Variants in FBXL7 observed in about 807,000 individuals in gnomAD.
FBXL7 encodes F-box/LRR-repeat protein 7.
FBXL7 carries 12 observed loss-of-function variants against 38.3 expected under a neutral mutation model. The ratio of observed to expected loss-of-function variants is 0.31; its 90% CI spans 0.20 to 0.51. FBXL7 has a LOEUF of 0.51. FBXL7 is among the 20% of genes least tolerant of loss of function. FBXL7 has a pLI of 0.98. For synonymous variants in FBXL7, 297 were observed against 300.9 expected (o/e 0.99, Z 0.13); for missense variants, 567 against 676.4 (o/e 0.84, Z 1.79).
intron 2 of FBXL7, among the ~76,000 whole-genome samples, chr5:15,878,163 T>G (rs1468723427): frequency 1.3e-5 from 2 of 152,192 alleles, no homozygotes; most frequent in African/African-American, 4.8e-5. Context: ...CACGCCACCC[T>G]CAAGGTCAGC....
intron 1 of FBXL7, among the ~76,000 whole-genome samples, chr5:15,545,138 A>T (rs1026355164): frequency 1.3e-5 from 2 of 152,190 alleles, no homozygotes; most frequent in Admixed American, 1.3e-4. Flanking sequence ...TTCTGACTCC[A>T]TTCTCAATGC....
intron 2 of FBXL7, among the ~76,000 whole-genome samples, chr5:15,705,321 G>A (rs557893430): frequency 6.6e-6 from 1 of 152,158 alleles, no homozygotes; most frequent in Non-Finnish European, 1.5e-5. Context: ...ACGTAAGCAT[G>A]CTAAATAGAT....
At chr5:15,659,616 C>G (rs1468181908) in intron 2 of FBXL7, among the ~76,000 whole-genome samples, 7 of 152,168 alleles carry the variant, frequency 4.6e-5, no homozygotes, top group Admixed American at 3.3e-4. Flanking sequence ...ATATTTATCA[C>G]AGCCCTCTCT....
At chr5:15,557,934 A>G (rs920730233) in intron 1 of FBXL7, among the ~76,000 whole-genome samples, 13 of 152,228 alleles carry the variant, frequency 8.5e-5, no homozygotes, top group African/African-American at 3.1e-4. Context: ...ACTTATAGGA[A>G]TTACCTAAAA....
At chr5:15,917,606 T>C (rs1741618496) in intron 2 of FBXL7, among the ~76,000 whole-genome samples, 1 of 143,838 alleles carries the variant, frequency 7.0e-6, no homozygotes, top group Non-Finnish European at 1.5e-5. Flanking sequence ...AGACCCTGTC[T>C]CAAAAATAAA....
At chr5:15,754,552 A>G (rs1481293339) in intron 2 of FBXL7, among the ~76,000 whole-genome samples, 1 of 152,162 alleles carries the variant, frequency 6.6e-6, no homozygotes, top group Non-Finnish European at 1.5e-5. Flanking sequence ...GAAGATTTTG[A>G]TTGATTTCAC....
At chr5:15,859,219 C>T (rs991761376) in intron 2 of FBXL7, among the ~76,000 whole-genome samples, 3 of 152,134 alleles carry the variant, frequency 2.0e-5, no homozygotes, top group African/African-American at 7.2e-5. Flanking sequence ...TGGGCCCAGG[C>T]TGCAGTAGAA....
intron 1 of FBXL7, among the ~76,000 whole-genome samples, chr5:15,532,465 T>C (rs1428482270): frequency 6.6e-6 from 1 of 152,218 alleles, no homozygotes; most frequent in Admixed American, 6.5e-5. Flanking sequence ...TCCATGAGAT[T>C]GTATTCTGAT....
intron 2 of FBXL7, among the ~76,000 whole-genome samples, chr5:15,775,184 C>G (rs1256285761): frequency 6.6e-6 from 1 of 152,000 alleles, no homozygotes; most frequent in Non-Finnish European, 1.5e-5. Flanking sequence ...AAGCATTGAG[C>G]AAGAAAGATA....
chr5:15,565,039 A>T (rs1027580066), intron 1 of FBXL7, among the ~76,000 whole-genome samples: 1 of 152,138 alleles, frequency 6.6e-6, no homozygotes, highest in African/African-American at 2.4e-5. Flanking sequence ...TGTTTTCAAT[A>T]TGCTGCTATT....
At chr5:15,804,838 C>T (rs563260433) in intron 2 of FBXL7, among the ~76,000 whole-genome samples, 1 of 152,306 alleles carries the variant, frequency 6.6e-6, no homozygotes, top group African/African-American at 2.4e-5. Flanking sequence ...CAAACCATCC[C>T]CCTGCACCCT....
At chr5:15,684,722 A>G (rs555461773) in intron 2 of FBXL7, among the ~76,000 whole-genome samples, 2 of 152,336 alleles carry the variant, frequency 1.3e-5, no homozygotes, top group African/African-American at 4.8e-5. Flanking sequence ...AGATAGGCTC[A>G]TTGGAAAATG....
chr5:15,845,209 T>A (rs900378586), intron 2 of FBXL7, among the ~76,000 whole-genome samples: 3 of 152,344 alleles, frequency 2.0e-5, no homozygotes, highest in African/African-American at 7.2e-5. Context: ...AAGCACACAT[T>A]TGGACAATTT....
At chr5:15,587,537 T>C (rs1409478101) in intron 1 of FBXL7, among the ~76,000 whole-genome samples, 1 of 152,184 alleles carries the variant, frequency 6.6e-6, no homozygotes, top group Non-Finnish European at 1.5e-5. Flanking sequence ...CTTTGCTCAT[T>C]ATTGCAAACC....
intron 1 of FBXL7, among the ~76,000 whole-genome samples, chr5:15,550,167 T>C (rs1170110865): frequency 6.6e-6 from 1 of 152,216 alleles, no homozygotes; most frequent in East Asian, 1.9e-4. Flanking sequence ...AAAATATCCT[T>C]GAAGAATGTA....
chr5:15,645,781 G>A (rs1741511168), intron 2 of FBXL7, among the ~76,000 whole-genome samples: 1 of 152,178 alleles, frequency 6.6e-6, no homozygotes, highest in Non-Finnish European at 1.5e-5. Context: ...GGCTTATTTG[G>A]TTCAGTTCTA....
At chr5:15,580,620 A>G in intron 1 of FBXL7, 1 of 985,438 alleles carries the variant, frequency 1.0e-6, no homozygotes. Flanking sequence ...TAACAGGCAG[A>G]TCCACAAGCC....
chr5:15,616,782 A>G (rs1163936625), intron 2 of FBXL7, among the ~76,000 whole-genome samples: 1 of 152,224 alleles, frequency 6.6e-6, no homozygotes, highest in Non-Finnish European at 1.5e-5. Context: ...TTTTTATTTT[A>G]ATGTTAAACA....
At chr5:15,758,248 T>C (rs1016687057) in intron 2 of FBXL7, among the ~76,000 whole-genome samples, 7 of 151,962 alleles carry the variant, frequency 4.6e-5, no homozygotes, top group Non-Finnish European at 1.0e-4. Context: ...AAAAAGTACT[T>C]TAAGGAGATA....
Sources: allele counts gnomAD v4.1 joint callset (sites outside exome capture counted in the v4.1 genomes callset), GRCh38; gene constraint gnomAD v4.1.1; transcripts MANE v1.5; gene names NCBI Gene and HGNC (gene_info 2026-07-23, HGNC 2026-07-21).